The following CYP2F1 variants were observed in gnomAD, a reference collection of about 807,000 sequenced individuals.
The protein encoded by CYP2F1 is cytochrome P450 2F1.
A neutral mutation model predicts 40.4 loss-of-function variants in CYP2F1; 33 were observed. That is an observed-to-expected ratio of 0.82 (90% CI 0.62 to 1.09). CYP2F1 has a LOEUF of 1.09. CYP2F1 is among the 50% of genes least tolerant of loss of function. CYP2F1 has a pLI of 0.00. For synonymous variants in CYP2F1, 235 were observed against 277.2 expected, an observed-to-expected ratio of 0.85 and a Z score of 1.51; for missense variants, 566 against 655.7, an observed-to-expected ratio of 0.86 and a Z score of 1.49.
chr19:41,123,161 G>A (rs775451080), intron 7 of CYP2F1, 198 bp downstream of exon 7: 24 of 705,796 alleles, frequency 3.4e-5, no homozygotes, highest in African/African-American at 7.0e-5. Flanking sequence ...CCCGAATCCC[G>A]ACCCAGATCC....
intron 1 of CYP2F1, among the ~76,000 whole-genome samples, chr19:41,114,961 G>T (rs568238692): frequency 7.0e-4 from 106 of 151,948 alleles, no homozygotes; most frequent in Non-Finnish European, 7.9e-4. Flanking sequence ...GTAGAGACAG[G>T]GTTTCACCAT....
At position 41,117,133 on chromosome 19, in the gene CYP2F1, AT is replaced by A. The variant is rs113936483; in HGVS notation, c.334+528del. Among the ~76,000 whole-genome samples, 814 of 146,814 alleles carry A rather than the reference AT, an allele frequency of 5.5e-3. 11 individuals are homozygous for A. Among genetic ancestry groups the A allele is most frequent in the African/African-American group, 0.019 (753 of 40,250 alleles). On this transcript the variant is annotated intron_variant, in intron 3 of 9. Transcript: ENST00000331105. ...ATCCTAGTCCCTTTAGTCAAACTGAATTTTTTTTTTTTATCTGAGATGAGTC... is the reference window on the plus strand; with the variant it reads ...ATCCTAGTCCCTTTAGTCAAACTGAATTTTTTTTTTTATCTGAGATGAGTC...
intron 3 of CYP2F1, among the ~76,000 whole-genome samples, chr19:41,119,927 C>A (rs1476862834): frequency 6.6e-6 from 1 of 151,376 alleles, no homozygotes; most frequent in Non-Finnish European, 1.5e-5. Context: ...GGTAACAGAG[C>A]GAGACTGTGT....
intron 3 of CYP2F1, among the ~76,000 whole-genome samples, chr19:41,118,825 A>G (rs1215772414): frequency 6.6e-6 from 1 of 152,234 alleles, no homozygotes; most frequent in Admixed American, 6.5e-5. Context: ...TGTTATGAGG[A>G]GTCAATGAGA....
rs2031784094 is a variant in CYP2F1, at chr19:41,116,159, G to A, written c.-11-19G>A. ...GATCAGCGATGTCCTCTCCCACTTTGCCCTCCACACGCCAGCAGCTGCCTT... is the reference window on the plus strand; with the variant it reads ...GATCAGCGATGTCCTCTCCCACTTTACCCTCCACACGCCAGCAGCTGCCTT... On this transcript the variant is annotated intron_variant, in intron 1 of 9. Coordinates refer to ENST00000331105, the MANE Select transcript of CYP2F1 (RefSeq NM_000774.5). 6.3e-7 allele frequency: 1 copy of A among 1,596,964 alleles called. No homozygotes were observed. Among genetic ancestry groups the A allele is most frequent in the Non-Finnish European group, 8.5e-7 (1 of 1,170,968 alleles).
chr19:41,121,562 A>G lies in CYP2F1; in HGVS notation c.589A>G (p.Thr197Ala). The G allele has an allele frequency of 6.2e-7, 1 of 1,610,190 alleles. No individual in the cohort carries two copies. The highest frequency in any genetic ancestry group is 8.5e-7 in the Non-Finnish European group (1 of 1,179,700). Residue 197 changes from threonine to alanine, a missense_variant, in exon 5 of 10, where the codon ACC becomes GCC. Coordinates refer to ENST00000331105, the MANE Select transcript of CYP2F1 (RefSeq NM_000774.5). Reference protein sequence around the residue: ...RFDYDDERLLTIIRLINDNFQ... With the variant: ...RFDYDDERLLAIIRLINDNFQ... ...CGACTATGATGATGAGCGTCTGCTCACCATTATCCGCCTTATCAATGACAA... is the reference window on the plus strand; with the variant it reads ...CGACTATGATGATGAGCGTCTGCTCGCCATTATCCGCCTTATCAATGACAA...
At chr19:41,119,184 C>T (rs1025787327) in intron 3 of CYP2F1, among the ~76,000 whole-genome samples, 1 of 152,154 alleles carries the variant, frequency 6.6e-6, no homozygotes, top group Admixed American at 6.5e-5. Context: ...GGTGAAAGTG[C>T]TCTGGGAAAG....
At position 41,121,597 on chromosome 19, in the gene CYP2F1, C is replaced by A. The variant is rs767755563; in HGVS notation, c.624C>A (p.Ile208=). The change falls in exon 5 of 10, where the codon ATC becomes ATA. Residue 208 remains isoleucine, a synonymous_variant. Coordinates refer to ENST00000331105, the MANE Select transcript of CYP2F1 (RefSeq NM_000774.5). ...IIRLINDNFQ[I]MSSPWGELYD... is the part of the protein sequence containing the mutation. Reference sequence around the variant, plus strand: ...GCCTTATCAATGACAACTTCCAAATCATGAGCAGCCCCTGGGGCGAGGTCA... The same window carrying A: ...GCCTTATCAATGACAACTTCCAAATAATGAGCAGCCCCTGGGGCGAGGTCA... 3 of 1,610,162 alleles carry A rather than the reference C, an allele frequency of 1.9e-6. No individual in the cohort carries two copies. The Admixed American group carries it at 5.0e-5, about 27-fold the overall frequency.
At chr19:41,122,435 C>T (rs1177683005) in intron 6 of CYP2F1, among the ~76,000 whole-genome samples, 3 of 152,018 alleles carry the variant, frequency 2.0e-5, no homozygotes, top group Non-Finnish European at 4.4e-5. Context: ...AGTTCGAGAC[C>T]AGCCTGGACA....
rs546856338 is a variant in CYP2F1 at position 41,122,689 on chromosome 19, C to G, written c.823-133C>G. On this transcript the variant is annotated intron_variant, in intron 6 of 9. Transcript: ENST00000331105. Reference sequence around the variant, plus strand: ...AGATTTTCCCTGCCCTGCCCTTCTCCGTTCCCCAGCTCTCCCAGGGAAAGA... The same window carrying G: ...AGATTTTCCCTGCCCTGCCCTTCTCGGTTCCCCAGCTCTCCCAGGGAAAGA... The G allele has an allele frequency of 3.8e-3, 3,497 of 912,126 alleles. 9 individuals are homozygous for G. Among genetic ancestry groups the G allele is most frequent in the Non-Finnish European group, 4.9e-3 (3,152 of 640,044 alleles). The allele number at this position is 912,126 out of a possible 1,614,324, so 56.5% of individuals were successfully genotyped here. A position where few individuals can be genotyped will look rare whatever the true frequency, so the allele number is the denominator to read the frequency against.
At chr19:41,121,024 G>T (rs568942048) in intron 4 of CYP2F1, among the ~76,000 whole-genome samples, 5 of 152,004 alleles carry the variant, frequency 3.3e-5, no homozygotes, top group Admixed American at 2.0e-4. Context: ...TTTATGTGTT[G>T]GTGTGTGGTT....
At position 41,124,769 on chromosome 19, in the gene CYP2F1, G is replaced by A. The variant is rs777720181; in HGVS notation, c.1015G>A (p.Ala339Thr). 3 of 1,608,424 alleles carry A rather than the reference G, an allele frequency of 1.9e-6. No homozygotes were observed. Among genetic ancestry groups the A allele is most frequent in the South Asian group, 1.1e-5 (1 of 90,934 alleles). Residue 339 changes from alanine to threonine, a missense_variant, in exon 8 of 10, where the codon GCG becomes ACG. By Grantham distance (58) the Ala-to-Thr change is moderately conservative (BLOSUM62 0). Transcript: ENST00000331105. ...CGTGGTGGGACGCGCGCGGCTGCCG[G>A]CGCTGAAGGACCGCGCGGCCATGCC... ...DLVVGRARLP[A>T]LKDRAAMPYT...
At chr19:41,115,272 C>T (rs2031726538) in intron 1 of CYP2F1, among the ~76,000 whole-genome samples, 1 of 152,112 alleles carries the variant, frequency 6.6e-6, no homozygotes, top group Non-Finnish European at 1.5e-5. Flanking sequence ...CCCTCTTACC[C>T]TTTTTCTCTC....
chr19:41,124,810 G>A lies in CYP2F1; in HGVS notation c.1056G>A (p.Val352=). The A allele has an allele frequency of 6.2e-7, 1 of 1,611,484 alleles. No homozygotes were observed. Among genetic ancestry groups the A allele is most frequent in the Non-Finnish European group, 8.5e-7 (1 of 1,179,746 alleles). ...CGGCCATGCCTTACACAGACGCGGTGATCCACGAGGTGCAGCGCTTTGCAG... is the reference window on the plus strand; with the variant it reads ...CGGCCATGCCTTACACAGACGCGGTAATCCACGAGGTGCAGCGCTTTGCAG... The part of the protein sequence containing the change: ...DRAAMPYTDA[V]IHEVQRFADI... The change falls in exon 8 of 10, where the codon GTG becomes GTA. Residue 352 remains valine (V), a synonymous_variant. Transcript: ENST00000331105.
At chr19:41,114,661 T>C (rs1374952105) in intron 1 of CYP2F1, among the ~76,000 whole-genome samples, 169 bp downstream of exon 1, 1 of 152,154 alleles carries the variant, frequency 6.6e-6, no homozygotes. Flanking sequence ...TACTGGTGCT[T>C]CACCAAGTAG....
rs769971807 is a variant in CYP2F1 at position 41,124,695 on chromosome 19, C to G, written c.965-24C>G. ...CTGTCGCGCCCGCTGATACCCTCGA[C>G]CCCGCTTCCCGCTTCCTCTCCAGCC... On this transcript the variant is annotated intron_variant, in intron 7 of 9. Transcript: ENST00000331105. 2.5e-6 allele frequency: 4 copies of G among 1,593,350 alleles called. No individual in the cohort carries two copies. The African/African-American group carries it at 5.3e-5, about 21-fold the overall frequency.
At chr19:41,125,033 C>T (rs898650476) in intron 8 of CYP2F1, 127 bp downstream of exon 8, 12 of 787,184 alleles carry the variant, frequency 1.5e-5, no homozygotes, top group Admixed American at 9.1e-5. Context: ...CATCCCAAGC[C>T]CTAGCTACAG....
intron 3 of CYP2F1, among the ~76,000 whole-genome samples, chr19:41,119,333 C>T (rs768941380): frequency 6.6e-6 from 1 of 152,102 alleles, no homozygotes; most frequent in African/African-American, 2.4e-5. Context: ...AATAAGCAGG[C>T]CAGGCACGAT....
At chr19:41,120,586 A>C in intron 4 of CYP2F1, 90 bp downstream of exon 4, 1 of 1,397,000 alleles carries the variant, frequency 7.2e-7, no homozygotes, top group Non-Finnish European at 1.0e-6. Context: ...GGCCCAAACC[A>C]TCCTCCCACC....
Sources: allele counts gnomAD v4.1 joint callset (sites outside exome capture counted in the v4.1 genomes callset), GRCh38; gene constraint gnomAD v4.1.1; transcripts MANE v1.5; gene names NCBI Gene and HGNC (gene_info 2026-07-23, HGNC 2026-07-21).